Variants in CPD observed in about 807,000 individuals in gnomAD.
CPD encodes carboxypeptidase D, also known as metallocarboxypeptidase D.
A neutral mutation model predicts 138.3 loss-of-function variants in CPD; 69 were observed. That is an observed-to-expected ratio of 0.50 (90% CI 0.41 to 0.61). CPD has a LOEUF of 0.61. Ranked by LOEUF, CPD falls within the 20% of genes least tolerant of loss-of-function variation. The pLI, the probability that CPD is intolerant of heterozygous loss-of-function variation, is 0.00. For synonymous variants in CPD, 651 were observed against 642.1 expected (o/e 1.01, Z -0.21); for missense variants, 1,432 against 1,733.3 (o/e 0.83, Z 3.09).
rs1356588022 is a variant in CPD at position 30,466,983 on chromosome 17, C to G, written c.*2169C>G. The G allele has an allele frequency of 6.6e-6, 1 of 152,514 alleles. No homozygotes were observed. Among genetic ancestry groups the G allele is most frequent in the Non-Finnish European group, 1.5e-5 (1 of 68,006 alleles). 9.4% of individuals were successfully genotyped at this position (152,514 alleles called of 1,614,324 possible). ...TTAAATAATGCATTTAGCTGGAAAA[C>G]AAGACTTTCCCAGCTTGTATTACCT... On this transcript the variant is annotated 3_prime_UTR_variant, in exon 21 of 21. Coordinates refer to ENST00000225719, the MANE Select transcript of CPD (RefSeq NM_001304.5).
At chr17:30,461,450 T>C (rs893300884) in intron 18 of CPD, 139 bp downstream of exon 18, 1 of 617,074 alleles carries the variant, frequency 1.6e-6, no homozygotes, top group African/African-American at 1.9e-5. Context: ...GGTCATTTTA[T>C]GTTTCCTAAA....
chr17:30,420,918 C>T lies in CPD; in HGVS notation c.1072C>T (p.Pro358Ser), dbSNP rs540974519. ...TLELSCCKYP[P>S]ASQLRQEWEN... ...AGAACTGTCTTGTTGCAAGTACCCA[C>T]CTGCTTCACAGCTTCGACAGGAATG... Residue 358 changes from proline to serine, a missense_variant, in exon 3 of 21, where the codon CCT becomes TCT. By Grantham distance (74) the Pro-to-Ser change is moderately conservative. Around this residue, in one of 6 missense-constraint regions of CPD, gnomAD observed 160 missense variants for 197.9 expected, o/e 0.81. Transcript: ENST00000225719. 6.2e-7 allele frequency: 1 copy of T among 1,613,694 alleles called. No individual in the cohort carries two copies. The highest frequency in any genetic ancestry group is 1.1e-5 in the South Asian group (1 of 91,046).
At chr17:30,431,361 AC>A (rs1233516543) in intron 7 of CPD, among the ~76,000 whole-genome samples, 2 of 151,106 alleles carry the variant, frequency 1.3e-5, no homozygotes, top group Non-Finnish European at 3.0e-5. Context: ...TGGACACTGG[AC>A]CCTTATCAGG....
intron 2 of CPD, among the ~76,000 whole-genome samples, chr17:30,418,461 A>G (rs76754437): frequency 0.067 from 10,203 of 152,154 alleles, 386 homozygotes; most frequent in African/African-American, 0.089. Context: ...AGCACCTACT[A>G]TATGCCAGGC....
intron 13 of CPD, 147 bp downstream of exon 13, chr17:30,449,895 C>A: frequency 1.6e-6 from 1 of 641,916 alleles, no homozygotes. Context: ...AAAAATGAAC[C>A]ATCTTTGTAG....
intron 2 of CPD, among the ~76,000 whole-genome samples, chr17:30,417,865 C>T (rs1005781559): frequency 6.6e-6 from 1 of 152,260 alleles, no homozygotes; most frequent in East Asian, 1.9e-4. Flanking sequence ...ACTTTATCCT[C>T]AGCCTCCTTT....
intron 20 of CPD, among the ~76,000 whole-genome samples, chr17:30,463,533 A>C (rs749919410): frequency 3.3e-4 from 50 of 152,228 alleles, no homozygotes; most frequent in Non-Finnish European, 2.2e-4. Context: ...TTTACGCTGG[A>C]ACTAATTCAT....
intron 2 of CPD, among the ~76,000 whole-genome samples, chr17:30,418,496 C>G (rs752282588): frequency 6.6e-6 from 1 of 152,176 alleles, no homozygotes. Flanking sequence ...TGCCCTCAGC[C>G]TCCCAAAGTG....
intron 14 of CPD, among the ~76,000 whole-genome samples, chr17:30,452,985 G>A (rs544777245): frequency 1.2e-4 from 18 of 151,850 alleles, no homozygotes; most frequent in Non-Finnish European, 2.1e-4. Flanking sequence ...GGAAAGACCC[G>A]CCCCCATGAT....
At chr17:30,418,453 C>T (rs962994436) in intron 2 of CPD, among the ~76,000 whole-genome samples, 1 of 152,092 alleles carries the variant, frequency 6.6e-6, no homozygotes, top group African/African-American at 2.4e-5. Context: ...ATTTATTGAG[C>T]ACCTACTATA....
rs1913718094 is a variant in CPD at position 30,469,009 on chromosome 17, T to C, written c.*4195T>C. On this transcript the variant is annotated 3_prime_UTR_variant, in exon 21 of 21. Coordinates refer to ENST00000225719, the MANE Select transcript of CPD (RefSeq NM_001304.5). ...TTTTTATGTACGCATTTTAAACTTG[T>C]TCGTTAAAAATTTGGTCCTTTTTCC... The C allele has an allele frequency of 6.6e-6, 1 of 152,156 alleles. No homozygotes were observed. The highest frequency in any genetic ancestry group is 6.5e-5 in the Admixed American group (1 of 15,276). 9.4% of individuals were successfully genotyped at this position (152,156 alleles called of 1,614,324 possible).
At position 30,379,695 on chromosome 17, in the gene CPD, C is replaced by A. The variant is rs945507647; in HGVS notation, c.715C>A (p.Arg239Ser). The part of the protein sequence containing the change: ...PPALDEVPEV[R>S]ALIEWIRRNK... Reference sequence around the variant, plus strand: ...CGCCCTGGACGAGGTGCCCGAGGTGCGCGCCCTCATCGAGTGGATCCGCAG... The same window carrying A: ...CGCCCTGGACGAGGTGCCCGAGGTGAGCGCCCTCATCGAGTGGATCCGCAG... The change falls in exon 1 of 21, where the codon CGC becomes AGC. Residue 239 changes from arginine (R) to serine (S), a missense_variant. Coordinates refer to ENST00000225719, the MANE Select transcript of CPD (RefSeq NM_001304.5). The surrounding 1 kb of genome is among the most constrained non-coding windows in gnomAD (Gnocchi z 7.0). The A allele has an allele frequency of 1.9e-5, 28 of 1,509,340 alleles. No individual in the cohort carries two copies. In the African/African-American group the frequency reaches 3.1e-4, roughly 17 times the overall value. The allele number at this position is 1,509,340 out of a possible 1,614,324, so 93.5% of individuals were successfully genotyped here.
At chr17:30,382,333 A>G (rs965443930) in intron 1 of CPD, among the ~76,000 whole-genome samples, 1 of 152,210 alleles carries the variant, frequency 6.6e-6, no homozygotes, top group African/African-American at 2.4e-5. Context: ...TAATATCTCT[A>G]ATATATTTAC....
At chr17:30,418,180 A>AT (rs34648123) in intron 2 of CPD, among the ~76,000 whole-genome samples, 67,279 of 151,438 alleles carry the variant, frequency 0.44, 15,688 homozygotes, top group East Asian at 0.83. Flanking sequence ...TATTAATATC[A>AT]TTTTTTTCTT....
At position 30,379,242 on chromosome 17, in the gene CPD, T is replaced by G. The variant is rs1303680731; in HGVS notation, c.262T>G (p.Ser88Ala). 1 of 1,521,340 alleles carries G rather than the reference T, an allele frequency of 6.6e-7. No individual in the cohort carries two copies. The highest frequency in any genetic ancestry group is 8.8e-7 in the Non-Finnish European group (1 of 1,140,388). The allele number at this position is 1,521,340 out of a possible 1,614,324, so 94.2% of individuals were successfully genotyped here. The change falls in exon 1 of 21, where the codon TCG becomes GCG. Residue 88 changes from serine to alanine, a missense_variant. By Grantham distance (99) the Ser-to-Ala change is moderately conservative. Coordinates refer to ENST00000225719, the MANE Select transcript of CPD (RefSeq NM_001304.5). This position sits in a 1 kb window ranked among gnomAD's most constrained non-coding sequence, Gnocchi z 7.0. ...GGCCCGCCTCTTTAGCATCGGCCGC[T>G]CGGTGGAAGGCCGGCCGCTGTGGGT... ...GLARLFSIGR[S>A]VEGRPLWVLR...
intron 20 of CPD, 131 bp from the exon 21 acceptor site, chr17:30,464,457 G>T (rs1913577593): frequency 4.4e-6 from 3 of 685,352 alleles, no homozygotes; most frequent in Non-Finnish European, 7.4e-6. Context: ...TAATAATAAA[G>T]GTTGTTCTTA....
At chr17:30,453,403 C>A (rs1478136178) in intron 14 of CPD, among the ~76,000 whole-genome samples, 1 of 152,192 alleles carries the variant, frequency 6.6e-6, no homozygotes, top group African/African-American at 2.4e-5. Context: ...CTTAAAAGTT[C>A]AAAAATTTTC....
At chr17:30,388,902 G>C (rs1021414464) in intron 2 of CPD, among the ~76,000 whole-genome samples, 11 of 152,200 alleles carry the variant, frequency 7.2e-5, no homozygotes, top group African/African-American at 2.7e-4. Context: ...CGGACACTGG[G>C]GACTTGGCCC....
intron 2 of CPD, among the ~76,000 whole-genome samples, chr17:30,395,311 G>A (rs1202752111): frequency 1.3e-5 from 2 of 150,994 alleles, no homozygotes; most frequent in African/African-American, 4.9e-5. Context: ...TATTTTAAAG[G>A]TACAGTTGAT....
Sources: allele counts gnomAD v4.1 joint callset (sites outside exome capture counted in the v4.1 genomes callset), GRCh38; gene constraint gnomAD v4.1.1; regional missense constraint gnomAD v4.1.1; non-coding constraint Gnocchi (gnomAD v3.1); transcripts MANE v1.5; gene names NCBI Gene and HGNC (gene_info 2026-07-23, HGNC 2026-07-21).